MSRA: variants seen among roughly 807,000 people sequenced by gnomAD.
MSRA encodes mitochondrial peptide methionine sulfoxide reductase.
In MSRA, 54 loss-of-function variants were observed where a neutral mutation model predicts 31.3. The ratio of observed to expected loss-of-function variants is 1.73; its 90% CI spans 1.39 to 2.17. MSRA has a LOEUF of 2.17. MSRA is among the 30% of genes most tolerant of loss of function. The pLI is 0.00. For synonymous variants in MSRA, 169 were observed against 116.5 expected, an observed-to-expected ratio of 1.45 and a Z score of -2.90; for missense variants, 507 against 300.9, an observed-to-expected ratio of 1.69 and a Z score of -5.07.
At chr8:10,243,500 G>C (rs1797448611) in intron 2 of MSRA, among the ~76,000 whole-genome samples, 1 of 152,148 alleles carries the variant, frequency 6.6e-6, no homozygotes, top group African/African-American at 2.4e-5. Context: ...TTCACTAGCA[G>C]CAAGCAATTC....
intron 5 of MSRA, among the ~76,000 whole-genome samples, chr8:10,333,888 A>T (rs910525367): frequency 2.0e-5 from 3 of 152,024 alleles, no homozygotes; most frequent in Non-Finnish European, 4.4e-5. Flanking sequence ...CAAGGCAGGC[A>T]CTCTGTGAAT....
At chr8:10,077,902 A>G (rs1798072822) in intron 1 of MSRA, among the ~76,000 whole-genome samples, 1 of 152,118 alleles carries the variant, frequency 6.6e-6, no homozygotes, top group Non-Finnish European at 1.5e-5. Flanking sequence ...TTGCTACAGT[A>G]TTTATATATG....
chr8:10,372,519 CAGAG>C (rs773184827), intron 5 of MSRA, among the ~76,000 whole-genome samples: 2 of 152,156 alleles, frequency 1.3e-5, no homozygotes, highest in Non-Finnish European at 2.9e-5. Flanking sequence ...AATGAAATCT[CAGAG>C]AGTCTCACTT....
chr8:10,055,421 G>A (rs1041006865), intron 1 of MSRA, among the ~76,000 whole-genome samples: 4 of 152,254 alleles, frequency 2.6e-5, no homozygotes, highest in African/African-American at 9.6e-5. Context: ...GCTGCAGACA[G>A]CACGCGTTTC....
At chr8:10,103,475 A>G (rs865950381) in intron 1 of MSRA, among the ~76,000 whole-genome samples, 1 of 152,160 alleles carries the variant, frequency 6.6e-6, no homozygotes, top group Non-Finnish European at 1.5e-5. Context: ...CAAAACTCTA[A>G]AGGTTGACTT....
chr8:10,412,468 A>T (rs764581368), intron 5 of MSRA, among the ~76,000 whole-genome samples: 1 of 152,242 alleles, frequency 6.6e-6, no homozygotes, highest in Non-Finnish European at 1.5e-5. Flanking sequence ...GATATAAACT[A>T]TCGAACATGA....
At chr8:10,138,193 G>A (rs1257267872) in intron 1 of MSRA, among the ~76,000 whole-genome samples, 2 of 152,218 alleles carry the variant, frequency 1.3e-5, no homozygotes, top group Non-Finnish European at 2.9e-5. Context: ...TCCCTGTGCA[G>A]TACAGATAGA....
chr8:10,123,887 CAG>C (rs1801305141), intron 1 of MSRA, among the ~76,000 whole-genome samples: 1 of 151,148 alleles, frequency 6.6e-6, no homozygotes, highest in African/African-American at 2.4e-5. Flanking sequence ...TCTTTTGAGA[CAG>C]GGTCTCACTC....
intron 1 of MSRA, among the ~76,000 whole-genome samples, chr8:10,086,883 AGAGAGGGAGAGGGAGAGG>A (rs3061509): frequency 1.3e-5 from 2 of 150,030 alleles, no homozygotes; most frequent in Non-Finnish European, 3.0e-5. Flanking sequence ...AGAGGGAGAG[AGAGAGGGAGAGGGAGAGG>A]GAGAGGGAGA....
At chr8:10,405,760 C>G (rs116950162) in intron 5 of MSRA, among the ~76,000 whole-genome samples, 1 of 49,602 alleles carries the variant, frequency 2.0e-5, no homozygotes, top group Non-Finnish European at 7.9e-5. Flanking sequence ...CACCCATGTG[C>G]TCACACACAC....
At position 10,208,965 on chromosome 8, in the gene MSRA, A is replaced by C. The variant is rs141514528; in HGVS notation, c.211+1064A>C. Among the ~76,000 whole-genome samples the C allele has an allele frequency of 8.2e-4, 125 of 152,336 alleles. 2 individuals carry two copies. The highest frequency in any genetic ancestry group is 6.8e-3 in the Middle Eastern group (2 of 294). On this transcript the variant is annotated intron_variant, in intron 2 of 5. Coordinates refer to ENST00000317173, the MANE Select transcript of MSRA (RefSeq NM_012331.5). ...AGTTAGATTGTTCCCTTATTCCCAG[A>C]GATGGAACCAGAATTAGGCATCAGT... is the stretch of plus-strand genomic sequence containing the variant.
At chr8:10,225,756 C>T (rs1205135948) in intron 2 of MSRA, among the ~76,000 whole-genome samples, 3 of 152,128 alleles carry the variant, frequency 2.0e-5, no homozygotes, top group Non-Finnish European at 2.9e-5. Context: ...GGATGAGTGA[C>T]ACTCGGAGCC....
At chr8:10,291,312 A>T (rs1800221824) in intron 3 of MSRA, among the ~76,000 whole-genome samples, 1 of 152,178 alleles carries the variant, frequency 6.6e-6, no homozygotes, top group Non-Finnish European at 1.5e-5. Context: ...ACAACAAAAA[A>T]TTCACAATTG....
At chr8:10,103,141 C>G (rs1055066681) in intron 1 of MSRA, among the ~76,000 whole-genome samples, 1 of 152,114 alleles carries the variant, frequency 6.6e-6, no homozygotes, top group African/African-American at 2.4e-5. Flanking sequence ...AGAGAATACG[C>G]TACCTGGGTA....
intron 5 of MSRA, among the ~76,000 whole-genome samples, chr8:10,327,704 C>T (rs1585482869): frequency 6.6e-6 from 1 of 152,102 alleles, no homozygotes; most frequent in East Asian, 1.9e-4. Context: ...GAAGCCAAGG[C>T]AGGTGGATCA....
chr8:10,284,485 T>C (rs1799828375), intron 3 of MSRA, among the ~76,000 whole-genome samples: 1 of 152,194 alleles, frequency 6.6e-6, no homozygotes, highest in South Asian at 2.1e-4. Flanking sequence ...TGAGCCAACA[T>C]GCCCGGCACG....
chr8:10,118,032 A>C (rs1800812890), intron 1 of MSRA, among the ~76,000 whole-genome samples: 1 of 152,210 alleles, frequency 6.6e-6, no homozygotes, highest in Non-Finnish European at 1.5e-5. Context: ...ACAGACACCA[A>C]ATCAAAGGTG....
intron 5 of MSRA, among the ~76,000 whole-genome samples, chr8:10,427,431 G>A (rs1473080730): frequency 2.0e-5 from 3 of 152,174 alleles, no homozygotes; most frequent in African/African-American, 7.2e-5. Context: ...TCACCGGGAC[G>A]TAAACTAGGA....
chr8:10,250,048 A>G (rs904082337), intron 3 of MSRA, among the ~76,000 whole-genome samples: 14 of 152,194 alleles, frequency 9.2e-5, no homozygotes, highest in African/African-American at 3.4e-4. Flanking sequence ...TCTATAGTCA[A>G]ATGAAAGCTT....
Sources: gnomAD v4.1 joint callset for allele counts (sites outside exome capture counted in the v4.1 genomes callset) on GRCh38, gnomAD v4.1.1 for gene constraint, MANE v1.5 for transcripts, NCBI Gene and HGNC (gene_info 2026-07-23, HGNC 2026-07-21) for gene names.